The following DR1 variants were observed in gnomAD, a reference collection of about 807,000 sequenced individuals.
DR1 encodes the protein down-regulator of transcription 1, also known as protein Dr1.
DR1 carries 7 observed loss-of-function variants against 19.9 expected under a neutral mutation model. The ratio of observed to expected loss-of-function variants is 0.35; its 90% CI spans 0.20 to 0.66. The LOEUF (loss-of-function observed/expected upper bound fraction) is 0.66. Among genes scored for constraint, DR1 ranks in the 30% least tolerant of loss-of-function variants. DR1 has a pLI of 0.66. For synonymous variants in DR1, 76 were observed against 72.5 expected, an observed-to-expected ratio of 1.05 and a Z score of -0.24; for missense variants, 98 against 203.7, an observed-to-expected ratio of 0.48 and a Z score of 3.16.
rs1667054979 is a variant in DR1, at chr1:93,361,727, T to G, written c.*1088T>G. On this transcript the variant is annotated 3_prime_UTR_variant, in exon 3 of 3. Coordinates refer to ENST00000370272, the MANE Select transcript of DR1 (RefSeq NM_001938.3). ...TGATAGCTTTAAAAAAAAGATTAGT[T>G]TTGCTTAAGAAGTTATGTTACAACT... 1 of 152,484 alleles carries G rather than the reference T, an allele frequency of 6.6e-6. No homozygotes were observed. Among genetic ancestry groups the G allele is most frequent in the African/African-American group, 2.4e-5 (1 of 41,452 alleles). The allele number at this position is 152,484 out of a possible 1,614,324, so 9.4% of individuals were successfully genotyped here. A position where few individuals can be genotyped will look rare whatever the true frequency, so the allele number is the denominator to read the frequency against.
Position 93,362,633 on chromosome 1 carries a change from T to C in DR1, c.*1994T>C, listed in dbSNP as rs548148607. Reference sequence around the variant, plus strand: ...ATGTTCTATAGAGAGATTTCTATTATTACCATTTTTACTATTTTCAAGAAT... The same window carrying C: ...ATGTTCTATAGAGAGATTTCTATTACTACCATTTTTACTATTTTCAAGAAT... On this transcript the variant is annotated 3_prime_UTR_variant, in exon 3 of 3. Transcript: ENST00000370272. The C allele has an allele frequency of 1.3e-5, 2 of 152,130 alleles. No homozygotes were observed. Among genetic ancestry groups the C allele is most frequent in the East Asian group, 1.9e-4 (1 of 5,182 alleles). 9.4% of individuals were successfully genotyped at this position (152,130 alleles called of 1,614,324 possible). A position where few individuals can be genotyped will look rare whatever the true frequency, so the allele number is the denominator to read the frequency against.
chr1:93,350,938 G>A (rs915444645), intron 1 of DR1, among the ~76,000 whole-genome samples: 1 of 152,156 alleles, frequency 6.6e-6, no homozygotes, highest in African/African-American at 2.4e-5. Context: ...ACTACTGTCT[G>A]CCAGAAAAAG....
At chr1:93,354,393 T>C (rs534615664) in intron 2 of DR1, among the ~76,000 whole-genome samples, 1 of 152,340 alleles carries the variant, frequency 6.6e-6, no homozygotes, top group South Asian at 2.1e-4. Flanking sequence ...GAAAATACTA[T>C]ATCAAATTTT....
In DR1 at chr1:93,354,020, T is replaced by C; in HGVS notation, c.333T>C (p.Leu111=). 6.2e-7 allele frequency: 1 copy of C among 1,613,900 alleles called. No individual in the cohort carries two copies. The highest frequency in any genetic ancestry group is 1.1e-5 in the South Asian group (1 of 91,034). ...AGGCCAGTTCTCGTTTGGAAAACCT[T>C]GGCATTCCTGAAGAAGAGTTATTGA... ...RRKASSRLEN[L]GIPEEELLRQ... The change falls in exon 2 of 3, where the codon CTT becomes CTC. Residue 111 remains leucine (L), a synonymous_variant. Coordinates refer to ENST00000370272, the MANE Select transcript of DR1 (RefSeq NM_001938.3).
In DR1 at chr1:93,363,544, C is replaced by T. The variant is rs1388977731; in HGVS notation, c.*2905C>T. 5 of 152,186 alleles carry T rather than the reference C, an allele frequency of 3.3e-5. No individual in the cohort carries two copies. The highest frequency in any genetic ancestry group is 2.0e-4 in the Admixed American group (3 of 15,282). 9.4% of individuals were successfully genotyped at this position (152,186 alleles called of 1,614,324 possible). A position where few individuals can be genotyped will look rare whatever the true frequency, so the allele number is the denominator to read the frequency against. On this transcript the variant is annotated 3_prime_UTR_variant, in exon 3 of 3. Transcript: ENST00000370272. Reference sequence around the variant, plus strand: ...ACGGCCTGTATTTATGGGCTTGTGACCCCTTCCTCTCTATGATCAAAGCTT... The same window carrying T: ...ACGGCCTGTATTTATGGGCTTGTGATCCCTTCCTCTCTATGATCAAAGCTT...
At chr1:93,347,832 G>T (rs1366656620) in intron 1 of DR1, among the ~76,000 whole-genome samples, 1 of 152,022 alleles carries the variant, frequency 6.6e-6, no homozygotes, top group Non-Finnish European at 1.5e-5. Flanking sequence ...ATGTACTCTT[G>T]TGAAAGAGTT....
intron 1 of DR1, among the ~76,000 whole-genome samples, chr1:93,353,140 C>T (rs1666936906): frequency 6.6e-6 from 1 of 152,042 alleles, no homozygotes; most frequent in Non-Finnish European, 1.5e-5. Flanking sequence ...AGGGATCCTC[C>T]CACCTTGGCC....
Position 93,354,075 on chromosome 1 carries a change from A to G in DR1, c.384+4A>G. On this transcript the variant is annotated splice_donor_region_variant and intron_variant, in intron 2 of 2. Coordinates refer to ENST00000370272, the MANE Select transcript of DR1 (RefSeq NM_001938.3). ...GCAACAAGAATTATTTGCAAAAGTA[A>G]GTAATTTATTTAAATTATTTTCCTC... 1 of 1,607,326 alleles carries G rather than the reference A, an allele frequency of 6.2e-7. No individual in the cohort carries two copies. Among genetic ancestry groups the G allele is most frequent in the African/African-American group, 1.3e-5 (1 of 74,448 alleles).
At chr1:93,358,786 T>G (rs965514761) in intron 2 of DR1, among the ~76,000 whole-genome samples, 8 of 152,216 alleles carry the variant, frequency 5.3e-5, no homozygotes, top group Non-Finnish European at 1.0e-4. Context: ...TTTATACTTG[T>G]TTAACAATTC....
rs759076184 is a variant in DR1, at chr1:93,368,419, T to C, written c.*7780T>C. The C allele has an allele frequency of 6.6e-6, 1 of 152,172 alleles. No homozygotes were observed. The highest frequency in any genetic ancestry group is 1.5e-5 in the Non-Finnish European group (1 of 68,030). 9.4% of individuals were successfully genotyped at this position (152,172 alleles called of 1,614,324 possible). On this transcript the variant is annotated 3_prime_UTR_variant, in exon 3 of 3. Coordinates refer to ENST00000370272, the MANE Select transcript of DR1 (RefSeq NM_001938.3). The stretch of plus-strand genomic sequence containing the variant: ...TTTAATGTGAATCAGAGATTTTTAT[T>C]AGGAATTGGGAGTGGAAGGAGAGAG...
At chr1:93,350,711 A>AT (rs1183762882) in intron 1 of DR1, among the ~76,000 whole-genome samples, 4 of 152,020 alleles carry the variant, frequency 2.6e-5, no homozygotes, top group African/African-American at 9.7e-5. Flanking sequence ...TGTGCAAAGT[A>AT]TTTTTTCCCC....
intron 1 of DR1, among the ~76,000 whole-genome samples, chr1:93,351,348 A>T (rs1347208771): frequency 6.6e-6 from 1 of 152,012 alleles, no homozygotes; most frequent in Non-Finnish European, 1.5e-5. Context: ...TCTCAGCCTT[A>T]AATGTTTTTA....
At chr1:93,354,547 C>T (rs1666956158) in intron 2 of DR1, among the ~76,000 whole-genome samples, 1 of 152,090 alleles carries the variant, frequency 6.6e-6, no homozygotes, top group African/African-American at 2.4e-5. Context: ...TTCTTCCTTG[C>T]TTGTAATAAT....
In DR1 at chr1:93,346,256, G is replaced by A. The variant is rs535637500; in HGVS notation, c.-390G>A. On this transcript the variant is annotated 5_prime_UTR_variant, in exon 1 of 3. Coordinates refer to ENST00000370272, the MANE Select transcript of DR1 (RefSeq NM_001938.3). Reference sequence around the variant, plus strand: ...CGCTGGGTACCCGCCCGGTACCGCGGCGAGGCCAGTGCCCCTGGATCTTGC... The same window carrying A: ...CGCTGGGTACCCGCCCGGTACCGCGACGAGGCCAGTGCCCCTGGATCTTGC... 1.8e-3 allele frequency: 466 copies of A among 261,272 alleles called. 7 individuals carry two copies. The Admixed American group carries it at 0.021, about 12-fold the overall frequency. 16.2% of individuals were successfully genotyped at this position (261,272 alleles called of 1,614,324 possible).
intron 2 of DR1, among the ~76,000 whole-genome samples, chr1:93,357,683 A>G (rs562760612): frequency 2.0e-5 from 3 of 152,240 alleles, no homozygotes; most frequent in Admixed American, 2.0e-4. Flanking sequence ...TTTTTTAAAA[A>G]TAACATTTAA....
At chr1:93,360,300 A>C (rs963844575) in intron 2 of DR1, among the ~76,000 whole-genome samples, 193 bp from the exon 3 acceptor site, 1 of 152,238 alleles carries the variant, frequency 6.6e-6, no homozygotes, top group Admixed American at 6.5e-5. Flanking sequence ...GTGTAGTTAG[A>C]AAAAAGCAAT....
At position 93,353,800 on chromosome 1, in the gene DR1, A is replaced by G. The variant is rs541583334; in HGVS notation, c.221-108A>G. The G allele has an allele frequency of 3.5e-5, 30 of 852,944 alleles. No individual in the cohort carries two copies. The East Asian group carries it at 7.3e-4, about 21-fold the overall frequency. 52.8% of individuals were successfully genotyped at this position (852,944 alleles called of 1,614,324 possible). On this transcript the variant is annotated intron_variant, in intron 1 of 2. Coordinates refer to ENST00000370272, the MANE Select transcript of DR1 (RefSeq NM_001938.3). ...TAGGTAAAATTATTAGAAAACAGCA[A>G]AACATTCCCCTCCCCCAAAGAAAAG...
At position 93,362,548 on chromosome 1, in the gene DR1, T is replaced by C. The variant is rs1667069814; in HGVS notation, c.*1909T>C. ...TCATTTTGACATTCTTGTGATTTCA[T>C]ATGCTGTATTCTTCAAGCAATAAAA... On this transcript the variant is annotated 3_prime_UTR_variant, in exon 3 of 3. Transcript: ENST00000370272. The C allele has an allele frequency of 6.6e-6, 1 of 152,196 alleles. No homozygotes were observed. Among genetic ancestry groups the C allele is most frequent in the African/African-American group, 2.4e-5 (1 of 41,422 alleles). 9.4% of individuals were successfully genotyped at this position (152,196 alleles called of 1,614,324 possible). A position where few individuals can be genotyped will look rare whatever the true frequency, so the allele number is the denominator to read the frequency against.
At chr1:93,356,310 A>G (rs1666982553) in intron 2 of DR1, among the ~76,000 whole-genome samples, 1 of 151,446 alleles carries the variant, frequency 6.6e-6, no homozygotes, top group Non-Finnish European at 1.5e-5. Flanking sequence ...AGGCTCGATC[A>G]GGCACACTTC....
Sources: allele counts gnomAD v4.1 joint callset (sites outside exome capture counted in the v4.1 genomes callset), GRCh38; gene constraint gnomAD v4.1.1; transcripts MANE v1.5; gene names NCBI Gene and HGNC (gene_info 2026-07-23, HGNC 2026-07-21).